POLR2D: variants seen among roughly 807,000 people sequenced by gnomAD.
The protein encoded by POLR2D is RNA polymerase II subunit D.
In POLR2D, 10 loss-of-function variants were observed where a neutral mutation model predicts 17.6. That is an observed-to-expected ratio of 0.57 (90% CI 0.35 to 0.96). The LOEUF (loss-of-function observed/expected upper bound fraction) is 0.96, where lower values mean the gene tolerates loss of function less well. Among genes scored for constraint, POLR2D ranks in the 40% least tolerant of loss-of-function variants. The probability of loss-of-function intolerance (pLI) is 0.02; values close to 1 mark genes in which losing one functional copy is unlikely to be tolerated. For synonymous variants in POLR2D, 52 were observed against 60.2 expected (o/e 0.86, Z 0.63); for missense variants, 126 against 176.4 (o/e 0.71, Z 1.62).
At position 127,846,222 on chromosome 2, in the gene POLR2D, T is replaced by G. The variant is rs1690152454; in HGVS notation, c.*1885A>C. 1.3e-5 allele frequency: 2 copies of G among 152,148 alleles called. No individual in the cohort carries two copies. Among genetic ancestry groups the G allele is most frequent in the South Asian group, 4.1e-4 (2 of 4,828 alleles). The allele number at this position is 152,148 out of a possible 1,614,324, so 9.4% of individuals were successfully genotyped here. A position where few individuals can be genotyped will look rare whatever the true frequency, so the allele number is the denominator to read the frequency against. ...GAGCCAAGATTGCGCCATTGCATCCTGGGCAACACAGCCAGACTCTATCTC... is the reference window on the plus strand; with the variant it reads ...GAGCCAAGATTGCGCCATTGCATCCGGGGCAACACAGCCAGACTCTATCTC... On this transcript the variant is annotated 3_prime_UTR_variant, in exon 4 of 4. Coordinates refer to ENST00000272645, the MANE Select transcript of POLR2D (RefSeq NM_004805.4).
At chr2:127,851,007 G>GGT (rs1222940432) in intron 2 of POLR2D, among the ~76,000 whole-genome samples, 1 of 152,108 alleles carries the variant, frequency 6.6e-6, no homozygotes, top group Non-Finnish European at 1.5e-5. Context: ...GATCAACGGA[G>GGT]GTCAGGAGTT....
chr2:127,858,096 G>A lies in POLR2D; in HGVS notation c.5C>T (p.Ala2Val), dbSNP rs963611010. Residue 2 changes from alanine (A) to valine (V), a missense_variant, in exon 1 of 4, where the codon GCG becomes GTG. Physicochemically the swap from Ala to Val is moderately conservative, Grantham distance 64 (BLOSUM62 0). Around this residue, in one of 2 missense-constraint regions of POLR2D, gnomAD observed 41 missense variants for 24.9 expected, o/e 1.64. Transcript: ENST00000272645. ...AGCCCGCGGATCGCTGCCACCCGCC[G>A]CCATCGCCGCGCCGCGCCGCGCGCC... is the stretch of plus-strand genomic sequence containing the variant. M[A>V]AGGSDPRAGD... The A allele has an allele frequency of 1.3e-6, 2 of 1,501,358 alleles. No homozygotes were observed. The highest frequency in any genetic ancestry group is 1.5e-5 in the African/African-American group (1 of 67,692). The allele number at this position is 1,501,358 out of a possible 1,614,324, so 93.0% of individuals were successfully genotyped here.
At chr2:127,855,394 CAAAAAA>C (rs747725989) in intron 1 of POLR2D, among the ~76,000 whole-genome samples, 2 of 51,258 alleles carry the variant, frequency 3.9e-5, no homozygotes, top group Non-Finnish European at 8.3e-5. Flanking sequence ...AACTCCGTCT[CAAAAAA>C]AAAAAAAAAA....
intron 3 of POLR2D, 113 bp from the exon 4 acceptor site, chr2:127,848,298 G>A: frequency 1.6e-6 from 1 of 620,138 alleles, no homozygotes; most frequent in Non-Finnish European, 2.9e-6. Context: ...CCTTTCATCT[G>A]GATTTCTTTT....
rs939225269 is a variant in POLR2D, at chr2:127,843,664, A to G, written c.*4443T>C. On this transcript the variant is annotated 3_prime_UTR_variant, in exon 4 of 4. Coordinates refer to ENST00000272645, the MANE Select transcript of POLR2D (RefSeq NM_004805.4). ...AGGTCTAATAAATCTTAATAAAACC[A>G]GAATGACTAGATGCTATGGTCTGAA... 2 of 152,792 alleles carry G rather than the reference A, an allele frequency of 1.3e-5. No individual in the cohort carries two copies. Among genetic ancestry groups the G allele is most frequent in the African/African-American group, 4.8e-5 (2 of 41,584 alleles). The allele number at this position is 152,792 out of a possible 1,614,324, so 9.5% of individuals were successfully genotyped here.
At chr2:127,849,249 G>T (rs1690206707) in intron 3 of POLR2D, among the ~76,000 whole-genome samples, 1 of 150,936 alleles carries the variant, frequency 6.6e-6, no homozygotes, top group African/African-American at 2.4e-5. Context: ...CACCATGTTG[G>T]CCAGGATGGT....
Position 127,849,462 on chromosome 2 carries a change from TA to T in POLR2D, c.350+1127del, listed in dbSNP as rs371044059. 2.1e-3 allele frequency among the ~76,000 whole-genome samples: 314 copies of T among 152,186 alleles called. 1 individual carries two copies. The highest frequency in any genetic ancestry group is 7.2e-3 in the African/African-American group (300 of 41,514). On this transcript the variant is annotated intron_variant, in intron 3 of 3. Transcript: ENST00000272645. Reference sequence around the variant, plus strand: ...TTAGTATTTATCATTGCCATACATTTAAAAAAAATTTGTTTTGCCATACATA... The same window carrying T: ...TTAGTATTTATCATTGCCATACATTTAAAAAAATTTGTTTTGCCATACATA...
chr2:127,855,611 T>C (rs765774917), intron 1 of POLR2D, among the ~76,000 whole-genome samples: 2 of 152,056 alleles, frequency 1.3e-5, no homozygotes, highest in African/African-American at 2.4e-5. Context: ...TCAGAGTGCC[T>C]AGGAAAGTGG....
chr2:127,856,715 TAGAG>T (rs1038806397), intron 1 of POLR2D, among the ~76,000 whole-genome samples: 63 of 152,270 alleles, frequency 4.1e-4, no homozygotes, highest in African/African-American at 1.5e-3. Context: ...TTTTATTTCT[TAGAG>T]GGTAGTATTT....
Position 127,843,837 on chromosome 2 carries a change from A to C in POLR2D, c.*4270T>G, listed in dbSNP as rs1329980955. The C allele has an allele frequency of 6.5e-6, 1 of 153,640 alleles. No individual in the cohort carries two copies. Among genetic ancestry groups the C allele is most frequent in the African/African-American group, 2.4e-5 (1 of 41,402 alleles). 9.5% of individuals were successfully genotyped at this position (153,640 alleles called of 1,614,324 possible). On this transcript the variant is annotated 3_prime_UTR_variant, in exon 4 of 4. Coordinates refer to ENST00000272645, the MANE Select transcript of POLR2D (RefSeq NM_004805.4). ...ATAAAAGAGGCTGCGGGCTGGGTGCAGTGACTCATGCCTCTAATCTCAGCA... is the reference window on the plus strand; with the variant it reads ...ATAAAAGAGGCTGCGGGCTGGGTGCCGTGACTCATGCCTCTAATCTCAGCA...
rs180868011 is a variant in POLR2D, at chr2:127,854,437, A to G, written c.74-1332T>C. ...AACCCCACACTGAAGAGGAAGCAACAGTGAGGAAAAGCCAAAACGACTTGC... is the reference window on the plus strand; with the variant it reads ...AACCCCACACTGAAGAGGAAGCAACGGTGAGGAAAAGCCAAAACGACTTGC... On this transcript the variant is annotated intron_variant, in intron 1 of 3. Transcript: ENST00000272645. Among the ~76,000 whole-genome samples, 181 of 152,308 alleles carry G rather than the reference A, an allele frequency of 1.2e-3. 1 individual carries two copies. The highest frequency in any genetic ancestry group is 4.1e-3 in the African/African-American group (171 of 41,580).
chr2:127,857,344 G>C lies in POLR2D; in HGVS notation c.73+684C>G, dbSNP rs544735788. 4.7e-4 allele frequency among the ~76,000 whole-genome samples: 71 copies of C among 152,218 alleles called. 1 individual carries two copies. Among genetic ancestry groups the C allele is most frequent in the Admixed American group, 1.1e-3 (17 of 15,284 alleles). ...ATCAATAAATCAATAAATCAATAAA[G>C]TGTAAGACAGCTGTATACATTTTCA... On this transcript the variant is annotated intron_variant, in intron 1 of 3. Coordinates refer to ENST00000272645, the MANE Select transcript of POLR2D (RefSeq NM_004805.4).
chr2:127,851,735 TTATCTATC>T (rs748989144), intron 2 of POLR2D, among the ~76,000 whole-genome samples: 14 of 152,168 alleles, frequency 9.2e-5, no homozygotes, highest in East Asian at 5.8e-4. Flanking sequence ...ACAAATACTA[TTATCTATC>T]TATCTATCTA....
In POLR2D at chr2:127,850,642, A is replaced by G; in HGVS notation, c.298T>C (p.Leu100=). ...GCAGTCTCTGGGCAAAGGTTGGCCAAACAGGCCAACTCAAACTTATGAAGC... is the reference window on the plus strand; with the variant it reads ...GCAGTCTCTGGGCAAAGGTTGGCCAGACAGGCCAACTCAAACTTATGAAGC... ...KKLHKFELAC[L]ANLCPETAEE... Residue 100 remains leucine, a synonymous_variant, in exon 3 of 4, where the codon TTG becomes CTG. Transcript: ENST00000272645. 3.1e-6 allele frequency: 5 copies of G among 1,593,944 alleles called. No individual in the cohort carries two copies. Among genetic ancestry groups the G allele is most frequent in the Non-Finnish European group, 4.3e-6 (5 of 1,168,626 alleles).
chr2:127,855,738 A>G (rs567588435), intron 1 of POLR2D, among the ~76,000 whole-genome samples: 12 of 152,112 alleles, frequency 7.9e-5, no homozygotes, highest in African/African-American at 2.6e-4. Context: ...GAGGGATCCA[A>G]GACTTCTCCC....
chr2:127,848,964 AT>A (rs987906040), intron 3 of POLR2D, among the ~76,000 whole-genome samples: 3 of 149,904 alleles, frequency 2.0e-5, no homozygotes, highest in Non-Finnish European at 4.5e-5. Flanking sequence ...CCGGCCCTGC[AT>A]TTTTTCATTT....
intron 3 of POLR2D, among the ~76,000 whole-genome samples, chr2:127,848,709 G>C (rs951401303): frequency 6.6e-6 from 1 of 152,164 alleles, no homozygotes; most frequent in African/African-American, 2.4e-5. Context: ...GTAGAGACAG[G>C]GTTTCACTGT....
Position 127,853,124 on chromosome 2 carries a change from A to G in POLR2D, c.74-19T>C. ...TCAAACTCTATTTGTAAGAAGCATA[A>G]ATGGCAGCTGAAAATACTCCTTCAA... On this transcript the variant is annotated intron_variant, in intron 1 of 3. Coordinates refer to ENST00000272645, the MANE Select transcript of POLR2D (RefSeq NM_004805.4). 6.3e-7 allele frequency: 1 copy of G among 1,592,656 alleles called. No homozygotes were observed. The highest frequency in any genetic ancestry group is 1.7e-4 in the Middle Eastern group (1 of 5,828).
intron 1 of POLR2D, among the ~76,000 whole-genome samples, chr2:127,854,414 C>A (rs1249798040): frequency 6.6e-6 from 1 of 152,224 alleles, no homozygotes; most frequent in East Asian, 1.9e-4. Context: ...ATGTTTATAA[C>A]CCCACACTGA....
Sources: gnomAD v4.1 joint callset for allele counts (sites outside exome capture counted in the v4.1 genomes callset) on GRCh38, gnomAD v4.1.1 for gene constraint, gnomAD v4.1.1 regional missense constraint, MANE v1.5 for transcripts, NCBI Gene and HGNC (gene_info 2026-07-23, HGNC 2026-07-21) for gene names.